Variants in CHST13 observed in about 807,000 individuals in gnomAD.
CHST13 encodes the protein C4ST-3.
Under a neutral mutation model 7.0 loss-of-function variants are expected in CHST13, and 1 was observed. The observed-to-expected ratio is 0.14, with a 90% CI of 0.05 to 0.68. The LOEUF (loss-of-function observed/expected upper bound fraction) is 0.68, where lower values mean the gene tolerates loss of function less well. Ranked by LOEUF, CHST13 falls within the 30% of genes least tolerant of loss-of-function variation. The pLI, the probability that CHST13 is intolerant of heterozygous loss-of-function variation, is 0.82. For missense variants in CHST13, 572 were observed against 507.9 expected (o/e 1.13, Z -1.21); for synonymous variants, 257 against 240.9 (o/e 1.07, Z -0.62).
chr3:126,529,169 G>A, intron 1 of CHST13: 1 of 557,682 alleles, frequency 1.8e-6, no homozygotes, highest in Non-Finnish European at 3.1e-6. Flanking sequence ...GCTGAGGTGG[G>A]TGTGCAGAGG....
intron 2 of CHST13, among the ~76,000 whole-genome samples, chr3:126,538,853 G>C (rs1560141739): frequency 1.3e-5 from 2 of 152,104 alleles, no homozygotes; most frequent in African/African-American, 2.4e-5. Flanking sequence ...AGGGTTCACT[G>C]TTTCTCAAAA....
intron 2 of CHST13, among the ~76,000 whole-genome samples, chr3:126,539,770 ACAG>A (rs1936896247): frequency 1.9e-5 from 1 of 51,546 alleles, no homozygotes; most frequent in African/African-American, 9.6e-5. Context: ...CACCACACAC[ACAG>A]CACACACACA....
At chr3:126,527,367 G>C (rs1420642656) in intron 1 of CHST13, 4 of 152,296 alleles carry the variant, frequency 2.6e-5, no homozygotes, top group Non-Finnish European at 5.9e-5. Context: ...GCCTCGGACA[G>C]GCATAGATCT....
At chr3:126,530,084 T>C (rs1936621640) in intron 1 of CHST13, among the ~76,000 whole-genome samples, 1 of 152,240 alleles carries the variant, frequency 6.6e-6, no homozygotes, top group Non-Finnish European at 1.5e-5. Context: ...AAGTCAGGAT[T>C]GGACCCAAGG....
At chr3:126,524,603 G>A (rs946934863) in intron 1 of CHST13, among the ~76,000 whole-genome samples, 174 bp downstream of exon 1, 1 of 152,218 alleles carries the variant, frequency 6.6e-6, no homozygotes, top group Non-Finnish European at 1.5e-5. Flanking sequence ...AGACGCCCCC[G>A]CGAGCAAAGG....
chr3:126,533,805 C>A (rs1200503579), intron 1 of CHST13, among the ~76,000 whole-genome samples: 1 of 152,044 alleles, frequency 6.6e-6, no homozygotes, highest in Non-Finnish European at 1.5e-5. Flanking sequence ...GGTGTTAATT[C>A]TTTAAACATT....
intron 2 of CHST13, among the ~76,000 whole-genome samples, chr3:126,538,403 C>T (rs1936845743): frequency 6.6e-6 from 1 of 152,246 alleles, no homozygotes; most frequent in Admixed American, 6.5e-5. Flanking sequence ...GGGAGTCTTT[C>T]CTGGGAGTCA....
rs150046070 is a variant in CHST13, at chr3:126,540,760, T to C, written c.181-973T>C. ...AGGACCGGAATTGCTGAGTCACATG[T>C]TTACTGGTTTTGAGGAACTGCCAAA... On this transcript the variant is annotated intron_variant, in intron 2 of 2. Transcript: ENST00000319340. Among the ~76,000 whole-genome samples, 825 of 152,260 alleles carry C rather than the reference T, an allele frequency of 5.4e-3. 8 individuals carry two copies. The highest frequency in any genetic ancestry group is 0.018 in the African/African-American group (758 of 41,544).
Position 126,536,786 on chromosome 3 carries a change from G to A in CHST13, c.180+433G>A, listed in dbSNP as rs145387927. Among the ~76,000 whole-genome samples the A allele has an allele frequency of 5.0e-3, 753 of 151,516 alleles. 2 individuals carry two copies. The highest frequency in any genetic ancestry group is 0.017 in the African/African-American group (684 of 41,198). On this transcript the variant is annotated intron_variant, in intron 2 of 2. Transcript: ENST00000319340. Reference sequence around the variant, plus strand: ...CTGGCCCACACACCTAACTTCAGCTGGGGGCCTGCAGGGACCACACACAAC... The same window carrying A: ...CTGGCCCACACACCTAACTTCAGCTAGGGGCCTGCAGGGACCACACACAAC...
In CHST13 at chr3:126,524,302, G is replaced by A. The variant is rs934715254; in HGVS notation, c.-31G>A. ...AACTCCGCCCCCAGCCGTATCCAGC[G>A]GACTGTCCTCCGCCGCGCGCCCGGC... On this transcript the variant is annotated 5_prime_UTR_variant, in exon 1 of 3. Transcript: ENST00000319340. 1.4e-5 allele frequency: 17 copies of A among 1,227,698 alleles called. No homozygotes were observed. Among genetic ancestry groups the A allele is most frequent in the South Asian group, 3.5e-5 (1 of 28,550 alleles). The allele number at this position is 1,227,698 out of a possible 1,614,324, so 76.1% of individuals were successfully genotyped here.
intron 1 of CHST13, among the ~76,000 whole-genome samples, chr3:126,532,430 T>C (rs900908361): frequency 2.0e-5 from 3 of 151,856 alleles, no homozygotes; most frequent in Non-Finnish European, 2.9e-5. Context: ...TGATCCATTT[T>C]GAGTTAGTTT....
chr3:126,526,724 G>T (rs1269894370), intron 1 of CHST13, among the ~76,000 whole-genome samples: 1 of 152,218 alleles, frequency 6.6e-6, no homozygotes, highest in Non-Finnish European at 1.5e-5. Context: ...TACTGCTTAG[G>T]GTCCCAGGGA....
chr3:126,525,232 G>C (rs1027328918), intron 1 of CHST13, among the ~76,000 whole-genome samples: 3 of 152,002 alleles, frequency 2.0e-5, no homozygotes, highest in African/African-American at 7.2e-5. Context: ...TGGGTGGGAC[G>C]ACTCAGTCCG....
intron 2 of CHST13, among the ~76,000 whole-genome samples, chr3:126,537,288 C>T (rs751509884): frequency 2.6e-4 from 39 of 152,074 alleles, no homozygotes; most frequent in Admixed American, 5.2e-4. Context: ...AAAGGCCTGG[C>T]GGGGAGTGGA....
intron 1 of CHST13, 42 bp downstream of exon 1, chr3:126,524,471 T>C: frequency 1.4e-6 from 1 of 711,544 alleles, no homozygotes; most frequent in Non-Finnish European, 1.9e-6. Context: ...CAACCAAACC[T>C]GGCTCCTCGC....
In CHST13 at chr3:126,542,769, C is replaced by T. The variant is rs1425797326; in HGVS notation, c.*191C>T. On this transcript the variant is annotated 3_prime_UTR_variant, in exon 3 of 3. Transcript: ENST00000319340. Reference sequence around the variant, plus strand: ...AGCCCATCTCAGGTGGCCCTGCACGCGTGTGCCTGCCTCGGCCTGTCGCCT... The same window carrying T: ...AGCCCATCTCAGGTGGCCCTGCACGTGTGTGCCTGCCTCGGCCTGTCGCCT... The T allele has an allele frequency of 7.7e-6, 6 of 778,784 alleles. No homozygotes were observed. Among genetic ancestry groups the T allele is most frequent in the Non-Finnish European group, 1.1e-5 (6 of 557,828 alleles). The allele number at this position is 778,784 out of a possible 1,614,324, so 48.2% of individuals were successfully genotyped here.
intron 1 of CHST13, among the ~76,000 whole-genome samples, chr3:126,526,404 C>A (rs73859515): frequency 0.031 from 4,731 of 152,302 alleles, 236 homozygotes; most frequent in African/African-American, 0.1. Context: ...GTGGTCTGTG[C>A]CCTGTGAGGG....
At chr3:126,528,065 T>C (rs751344485) in intron 1 of CHST13, among the ~76,000 whole-genome samples, 1 of 151,098 alleles carries the variant, frequency 6.6e-6, no homozygotes, top group African/African-American at 2.4e-5. Flanking sequence ...GAGAGGAAAC[T>C]GCAAGCAGAA....
At chr3:126,532,286 A>AT (rs1362687862) in intron 1 of CHST13, among the ~76,000 whole-genome samples, 7 of 152,156 alleles carry the variant, frequency 4.6e-5, no homozygotes, top group African/African-American at 9.7e-5. Context: ...CAATTTATCT[A>AT]TTTTTTAAAA....
Sources: allele counts gnomAD v4.1 joint callset (sites outside exome capture counted in the v4.1 genomes callset), GRCh38; gene constraint gnomAD v4.1.1; transcripts MANE v1.5; gene names NCBI Gene and HGNC (gene_info 2026-07-23, HGNC 2026-07-21).